The following PRSS57 variants were observed in gnomAD, a reference collection of about 807,000 sequenced individuals.
PRSS57 encodes the protein serine protease 57, also known as neutrophil serine protease 4.
In PRSS57, 19 loss-of-function variants were observed where a neutral mutation model predicts 20.6. The observed-to-expected ratio is 0.92, with a 90% CI of 0.64 to 1.35. PRSS57 has a LOEUF of 1.35. Ranked by LOEUF, PRSS57 falls within the 40% of genes most tolerant of loss-of-function variation. The pLI is 0.00. For missense variants in PRSS57, 440 were observed against 403.7 expected (o/e 1.09, Z -0.77); for synonymous variants, 203 against 176.6 (o/e 1.15, Z -1.19).
chr19:686,376 C>T (rs2031474586), intron 4 of PRSS57, among the ~76,000 whole-genome samples: 1 of 151,986 alleles, frequency 6.6e-6, no homozygotes, highest in Non-Finnish European at 1.5e-5. Flanking sequence ...ATCCTACCCT[C>T]CTGCCATCTA....
chr19:690,017 T>C, intron 3 of PRSS57, among the ~76,000 whole-genome samples: 1 of 147,666 alleles, frequency 6.8e-6, no homozygotes, highest in East Asian at 2.0e-4. Flanking sequence ...TGTGCCACTT[T>C]ACTCCAGCCC....
At chr19:689,067 G>C (rs1052701743) in intron 3 of PRSS57, among the ~76,000 whole-genome samples, 6 of 152,124 alleles carry the variant, frequency 3.9e-5, no homozygotes, top group African/African-American at 1.4e-4. Flanking sequence ...GAGGAAGCGG[G>C]TGGTCCAGGG....
chr19:689,989 G>A (rs1308602002), intron 3 of PRSS57, among the ~76,000 whole-genome samples: 2 of 151,784 alleles, frequency 1.3e-5, no homozygotes, highest in African/African-American at 2.4e-5. Flanking sequence ...GGAGATGGAG[G>A]TTGCAGTGAG....
At chr19:691,079 C>T (rs1351433917) in intron 3 of PRSS57, 2 of 247,084 alleles carry the variant, frequency 8.1e-6, no homozygotes, top group Admixed American at 4.6e-5. Flanking sequence ...CTCTGTATTC[C>T]CCAAGTCTCT....
chr19:694,204 G>A (rs1294105912), intron 2 of PRSS57, among the ~76,000 whole-genome samples: 1 of 152,066 alleles, frequency 6.6e-6, no homozygotes, highest in Admixed American at 6.6e-5. Flanking sequence ...CGTGCCTGGT[G>A]GGGGCTCCTG....
intron 4 of PRSS57, 32 bp from the exon 5 acceptor site, chr19:685,954 T>A: frequency 6.6e-7 from 1 of 1,504,884 alleles, no homozygotes. Flanking sequence ...GGTCAGGGCC[T>A]CTGGGAGCTG....
Position 694,829 on chromosome 19 carries a change from T to C in PRSS57, c.218A>G (p.His73Arg), listed in dbSNP as rs1448396805. 5 of 1,606,386 alleles carry C rather than the reference T, an allele frequency of 3.1e-6. No homozygotes were observed. The African/African-American group carries it at 6.7e-5, about 22-fold the overall frequency. ...LRARWVVSAA[H>R]CFSHRDLRTG... Reference sequence around the variant, plus strand: ...GTGAGCTCACCTGTGGCTGAAGCAGTGGGCGGCCGAGACCACCCAGCGGGC... The same window carrying C: ...GTGAGCTCACCTGTGGCTGAAGCAGCGGGCGGCCGAGACCACCCAGCGGGC... Residue 73 changes from histidine (H) to arginine (R), a missense_variant, in exon 2 of 5, where the codon CAC becomes CGC. Transcript: ENST00000329267.
rs752290762 is a variant in PRSS57, at chr19:694,854, C to T, written c.193G>A (p.Ala65Thr). 24 of 1,606,984 alleles carry T rather than the reference C, an allele frequency of 1.5e-5. No individual in the cohort carries two copies. The Admixed American group carries it at 1.9e-4, about 12-fold the overall frequency. ...TGGGCGGCCGAGACCACCCAGCGGG[C>T]TCGCAGCAGGAAGCCTCCGCAGTGA... ...QHHCGGFLLRARWVVSAAHCF... is the reference protein window; with the variant it reads ...QHHCGGFLLRTRWVVSAAHCF... The change falls in exon 2 of 5, where the codon GCC becomes ACC. Residue 65 changes from alanine (A) to threonine (T), a missense_variant. By Grantham distance (58) the Ala-to-Thr change is moderately conservative. Transcript: ENST00000329267.
chr19:690,682 G>T, intron 3 of PRSS57: 3 of 292,916 alleles, frequency 1.0e-5, no homozygotes, highest in Non-Finnish European at 2.0e-5. Context: ...CCAGGTTCGA[G>T]GCGTCTGTTC....
intron 2 of PRSS57, among the ~76,000 whole-genome samples, chr19:693,281 G>A (rs1261517279): frequency 7.0e-5 from 9 of 129,040 alleles, no homozygotes; most frequent in African/African-American, 2.4e-4. Context: ...CACCCAGGCC[G>A]CAGTGGTGTG....
Position 687,035 on chromosome 19 carries a change from T to A in PRSS57, c.532A>T (p.Lys178Ter), listed in dbSNP as rs150190105. ...ACGTCCGGGTCCAGCACTCGGACCT[T>A]GGCCTCCATCAGTCCAGGCGGCAGC... The part of the protein sequence containing the change: ...EELPPGLMEA[K>*]VRVLDPDVCN... Residue 178 changes from lysine to a stop codon, truncating the protein, a stop_gained, in exon 4 of 5, where the codon AAG (lysine) becomes TAG (stop). Coordinates refer to ENST00000329267, the MANE Select transcript of PRSS57 (RefSeq NM_001308209.2). LOFTEE classifies it high-confidence loss of function. The A allele has an allele frequency of 3.5e-3, 5,580 of 1,614,096 alleles. 21 individuals are homozygous for A. The highest frequency in any genetic ancestry group is 4.4e-3 in the Non-Finnish European group (5,178 of 1,180,032).
In PRSS57 at chr19:691,968, G is replaced by A. The variant is rs1568209507; in HGVS notation, c.268C>T (p.His90Tyr). ...LRTGLVVLGA[H>Y]VLSTAEPTQQ... ...GTGGGCTCCGCAGTACTCAGGACGT[G>A]GGCGCCCAGCACCACCAGGCCAGTG... Residue 90 changes from histidine (H) to tyrosine (Y), a missense_variant, in exon 3 of 5, where the codon CAC (histidine) becomes TAC (tyrosine). His to Tyr is a moderately conservative substitution (Grantham distance 83, BLOSUM62 2). Transcript: ENST00000329267. 6.0e-6 allele frequency: 8 copies of A among 1,328,226 alleles called. No individual in the cohort carries two copies. The highest frequency in any genetic ancestry group is 6.8e-6 in the Non-Finnish European group (7 of 1,029,910). 82.3% of individuals were successfully genotyped at this position (1,328,226 alleles called of 1,614,324 possible). A position where few individuals can be genotyped will look rare whatever the true frequency, so the allele number is the denominator to read the frequency against.
rs1479639409 is a variant in PRSS57, at chr19:691,856, A to G, written c.378+2T>C. ...TACGTCAGATCCACCCCCGGGGCTC[A>G]CCCGCAGCAGGCAGATGTCGTTGGC... On this transcript the variant is annotated splice_donor_variant, in intron 3 of 4. Transcript: ENST00000329267. LOFTEE classifies it high-confidence loss of function. 2 of 1,329,160 alleles carry G rather than the reference A, an allele frequency of 1.5e-6. No homozygotes were observed. Among genetic ancestry groups the G allele is most frequent in the Non-Finnish European group, 1.9e-6 (2 of 1,029,864 alleles). 82.3% of individuals were successfully genotyped at this position (1,329,160 alleles called of 1,614,324 possible). A position where few individuals can be genotyped will look rare whatever the true frequency, so the allele number is the denominator to read the frequency against.
chr19:690,719 G>A (rs151292779), intron 3 of PRSS57: 8,720 of 337,394 alleles, frequency 0.026, 187 homozygotes, highest in Non-Finnish European at 0.038. Context: ...TGGCCACGTC[G>A]GTCTGGGTGT....
At chr19:692,030 G>A (rs979182989) in intron 2 of PRSS57, 28 bp from the exon 3 acceptor site, 13 of 1,298,966 alleles carry the variant, frequency 1.0e-5, no homozygotes, top group East Asian at 8.6e-5. Flanking sequence ...TGGGTGAGAC[G>A]GGGGTGAGGG....
intron 3 of PRSS57, among the ~76,000 whole-genome samples, chr19:687,871 G>A (rs931770247): frequency 2.6e-5 from 4 of 152,102 alleles, no homozygotes; most frequent in East Asian, 1.9e-4. Context: ...TACTCCCTGG[G>A]CCTGCCACAC....
chr19:695,087 G>A (rs1016776015), intron 1 of PRSS57, 120 bp from the exon 2 acceptor site: 7 of 988,870 alleles, frequency 7.1e-6, no homozygotes, highest in South Asian at 6.2e-5. Flanking sequence ...TAGAGACGGA[G>A]AGACCCAGAG....
At chr19:691,454 G>A (rs967674146) in intron 3 of PRSS57, among the ~76,000 whole-genome samples, 4 of 150,354 alleles carry the variant, frequency 2.7e-5, no homozygotes, top group African/African-American at 9.8e-5. Context: ...ACAGTGAGCC[G>A]AGATGGCGCC....
At position 685,750 on chromosome 19, in the gene PRSS57, G is replaced by T; in HGVS notation, c.815C>A (p.Pro272His). The T allele has an allele frequency of 6.4e-7, 1 of 1,559,614 alleles. No individual in the cohort carries two copies. The highest frequency in any genetic ancestry group is 2.4e-5 in the East Asian group (1 of 41,998). Residue 272 changes from proline to histidine, a missense_variant, in exon 5 of 5, where the codon CCT becomes CAT. Pro to His is a moderately conservative substitution (Grantham distance 77, BLOSUM62 -2). Transcript: ENST00000329267. ...RRSSPQPGPL[P>H]GTTRPPGEAA is the part of the protein sequence containing the mutation. ...TTCTCCTGGGGGCCTGGTGGTCCCA[G>T]GCAGGGGGCCGGGCTGGGGACTGCT... is the stretch of plus-strand genomic sequence containing the variant.
Sources: allele counts gnomAD v4.1 joint callset (sites outside exome capture counted in the v4.1 genomes callset), GRCh38; gene constraint gnomAD v4.1.1; transcripts MANE v1.5; gene names NCBI Gene and HGNC (gene_info 2026-07-23, HGNC 2026-07-21).